Variants in CLHC1 observed in about 807,000 individuals in gnomAD.
CLHC1 encodes the protein clathrin heavy chain linker domain containing 1, also known as clathrin heavy chain linker domain-containing protein 1.
CLHC1 carries 72 observed loss-of-function variants against 69.5 expected under a neutral mutation model. The ratio of observed to expected loss-of-function variants is 1.04; its 90% CI spans 0.86 to 1.26. The LOEUF (loss-of-function observed/expected upper bound fraction) is 1.26. CLHC1 is among the 50% of genes most tolerant of loss of function. CLHC1 has a pLI of 0.00. For synonymous variants in CLHC1, 223 were observed against 224.3 expected (o/e 0.99, Z 0.05); for missense variants, 790 against 679.3 (o/e 1.16, Z -1.81).
rs764410981 is a variant in CLHC1 at position 55,222,782 on chromosome 2, G to A, written c.-82-289C>T. Among the ~76,000 whole-genome samples the A allele has an allele frequency of 4.2e-4, 64 of 152,076 alleles. 1 individual carries two copies. The highest frequency in any genetic ancestry group is 8.1e-4 in the Non-Finnish European group (55 of 68,010). On this transcript the variant is annotated intron_variant, in intron 2 of 12. Transcript: ENST00000401408. ...CTAAAAAAGACAAAATTAGCCAGGCGTGGTGGCGCATGCCTGTAATCCCAG... is the reference window on the plus strand; with the variant it reads ...CTAAAAAAGACAAAATTAGCCAGGCATGGTGGCGCATGCCTGTAATCCCAG...
Position 55,174,449 on chromosome 2 carries a change from T to C in CLHC1, c.*1341A>G, listed in dbSNP as rs1193995551. On this transcript the variant is annotated 3_prime_UTR_variant, in exon 13 of 13. Coordinates refer to ENST00000401408, the MANE Select transcript of CLHC1 (RefSeq NM_152385.4). ...GAGTAGACATATGGGATTTAGTAAGTACAAACTAAGTAGAGAAATGTGTGT... is the reference window on the plus strand; with the variant it reads ...GAGTAGACATATGGGATTTAGTAAGCACAAACTAAGTAGAGAAATGTGTGT... 6.6e-6 allele frequency among the ~76,000 whole-genome samples: 1 copy of C among 152,210 alleles called. No homozygotes were observed. Among genetic ancestry groups the C allele is most frequent in the Non-Finnish European group, 1.5e-5 (1 of 68,032 alleles).
intron 9 of CLHC1, among the ~76,000 whole-genome samples, chr2:55,203,963 GA>G (rs975918972): frequency 6.6e-6 from 1 of 152,080 alleles, no homozygotes; most frequent in African/African-American, 2.4e-5. Context: ...AACTCCATAG[GA>G]AAAAAATCTA....
intron 5 of CLHC1, among the ~76,000 whole-genome samples, chr2:55,211,253 G>A (rs1247964327): frequency 2.0e-5 from 3 of 152,062 alleles, no homozygotes; most frequent in Non-Finnish European, 4.4e-5. Flanking sequence ...TGTAATCCCA[G>A]CACTTTGGGA....
intron 9 of CLHC1, among the ~76,000 whole-genome samples, chr2:55,192,049 C>T (rs1222523541): frequency 1.3e-5 from 2 of 152,002 alleles, no homozygotes; most frequent in African/African-American, 2.4e-5. Context: ...AACATGTCAA[C>T]AACAACATTA....
intron 7 of CLHC1, 35 bp downstream of exon 7, chr2:55,209,369 T>G: frequency 7.5e-7 from 1 of 1,327,362 alleles, no homozygotes; most frequent in Non-Finnish European, 1.1e-6. Flanking sequence ...ATGTCTTCCA[T>G]TATTGGTACT....
intron 9 of CLHC1, among the ~76,000 whole-genome samples, chr2:55,191,330 G>T (rs895842626): frequency 1.3e-5 from 2 of 152,140 alleles, no homozygotes; most frequent in African/African-American, 4.8e-5. Flanking sequence ...CCACCTCCTG[G>T]ATTCTAGTGA....
At chr2:55,212,996 C>A (rs1322293406) in intron 4 of CLHC1, among the ~76,000 whole-genome samples, 190 bp from the exon 5 acceptor site, 1 of 152,150 alleles carries the variant, frequency 6.6e-6, no homozygotes, top group Non-Finnish European at 1.5e-5. Context: ...AAATCTCATA[C>A]TATGATTCTG....
chr2:55,198,162 G>C (rs1671600520), intron 9 of CLHC1, among the ~76,000 whole-genome samples: 2 of 152,060 alleles, frequency 1.3e-5, no homozygotes, highest in South Asian at 4.1e-4. Flanking sequence ...GGAAACAAAA[G>C]AAAAGAGAAT....
At chr2:55,201,817 C>T (rs192060648) in intron 9 of CLHC1, among the ~76,000 whole-genome samples, 7 of 152,090 alleles carry the variant, frequency 4.6e-5, no homozygotes, top group African/African-American at 7.2e-5. Context: ...TCATCATAAC[C>T]AAGTGGGATT....
intron 2 of CLHC1, chr2:55,225,909 A>C (rs558837386): frequency 6.6e-6 from 1 of 152,052 alleles, no homozygotes; most frequent in East Asian, 1.9e-4. Context: ...TTTTTACTGA[A>C]AGGCCGGGAG....
intron 3 of CLHC1, among the ~76,000 whole-genome samples, chr2:55,218,903 C>A (rs544818437): frequency 6.6e-6 from 1 of 152,142 alleles, no homozygotes; most frequent in Non-Finnish European, 1.5e-5. Flanking sequence ...CCTGCTACAT[C>A]TCTAGCCTCT....
At chr2:55,198,057 A>G (rs144176750) in intron 9 of CLHC1, among the ~76,000 whole-genome samples, 1 of 152,348 alleles carries the variant, frequency 6.6e-6, no homozygotes, top group African/African-American at 2.4e-5. Flanking sequence ...AATGCAATTG[A>G]CATGCTGAAG....
At chr2:55,212,354 G>T (rs1025444821) in intron 5 of CLHC1, among the ~76,000 whole-genome samples, 2 of 152,168 alleles carry the variant, frequency 1.3e-5, no homozygotes, top group African/African-American at 4.8e-5. Context: ...TTCTGACACA[G>T]TTAAGTCTCT....
rs57570449 is a variant in CLHC1 at position 55,199,296 on chromosome 2, CAAAAAAAAAAAA to C, written c.1006+6962_1006+6973del. 2.1e-4 allele frequency among the ~76,000 whole-genome samples: 15 copies of C among 70,940 alleles called. 1 individual carries two copies. The highest frequency in any genetic ancestry group is 0.011 in the Middle Eastern group (1 of 88). 46.5% of individuals were successfully genotyped at this position (70,940 alleles called of 152,430 possible). A position where few individuals can be genotyped will look rare whatever the true frequency, so the allele number is the denominator to read the frequency against. ...TGGACAAAAGAGTGAGACTCCATCTCAAAAAAAAAAAAAAAAAAAAAAAAAGAAATGCTGAGG... is the reference window on the plus strand; with the variant it reads ...TGGACAAAAGAGTGAGACTCCATCTCAAAAAAAAAAAAAGAAATGCTGAGG... On this transcript the variant is annotated intron_variant, in intron 9 of 12. Transcript: ENST00000401408.
rs948846601 is a variant in CLHC1, at chr2:55,222,496, G to A, written c.-82-3C>T. ...ACAAAGCCAAAACTTTGATAAGCCTGAAAGAAAAAAAGAGCATCAATTAAT... is the reference window on the plus strand; with the variant it reads ...ACAAAGCCAAAACTTTGATAAGCCTAAAAGAAAAAAAGAGCATCAATTAAT... On this transcript the variant is annotated splice_polypyrimidine_tract_variant and splice_region_variant and intron_variant, in intron 2 of 12. Coordinates refer to ENST00000401408, the MANE Select transcript of CLHC1 (RefSeq NM_152385.4). 6 of 976,828 alleles carry A rather than the reference G, an allele frequency of 6.1e-6. No individual in the cohort carries two copies. The highest frequency in any genetic ancestry group is 1.8e-5 in the South Asian group (1 of 55,064). The allele number at this position is 976,828 out of a possible 1,614,324, so 60.5% of individuals were successfully genotyped here.
At chr2:55,176,085 T>C in intron 12 of CLHC1, 99 bp from the exon 13 acceptor site, 3 of 981,414 alleles carry the variant, frequency 3.1e-6, no homozygotes, top group South Asian at 1.6e-5. Context: ...TTCAACTCAG[T>C]TACTGTTAAA....
chr2:55,214,898 A>G (rs1673351482), intron 4 of CLHC1: 1 of 152,238 alleles, frequency 6.6e-6, no homozygotes, highest in African/African-American at 2.4e-5. Context: ...CTAATACATT[A>G]CCACATGGAC....
Position 55,172,701 on chromosome 2 carries a change from T to TAA in CLHC1, c.*3087_*3088dup, listed in dbSNP as rs11347337. On this transcript the variant is annotated 3_prime_UTR_variant, in exon 13 of 13. Transcript: ENST00000401408. ...GAGCTTTCTATGAAATGTACAAAGT[T>TAA]AAAAAAAAAAAAAAAGGCCTCTGCT... is the stretch of plus-strand genomic sequence containing the variant. 1.4e-5 allele frequency among the ~76,000 whole-genome samples: 2 copies of TAA among 143,012 alleles called. No homozygotes were observed. Among genetic ancestry groups the TAA allele is most frequent in the Non-Finnish European group, 3.1e-5 (2 of 65,372 alleles). The allele number at this position is 143,012 out of a possible 152,430, so 93.8% of individuals were successfully genotyped here. A position where few individuals can be genotyped will look rare whatever the true frequency, so the allele number is the denominator to read the frequency against.
At chr2:55,213,418 G>A (rs1159334414) in intron 4 of CLHC1, among the ~76,000 whole-genome samples, 2 of 152,020 alleles carry the variant, frequency 1.3e-5, no homozygotes, top group Non-Finnish European at 2.9e-5. Flanking sequence ...TCATATTTAG[G>A]GCTTACTTTT....
Sources: gnomAD v4.1 joint callset for allele counts (sites outside exome capture counted in the v4.1 genomes callset) on GRCh38, gnomAD v4.1.1 for gene constraint, MANE v1.5 for transcripts, NCBI Gene and HGNC (gene_info 2026-07-23, HGNC 2026-07-21) for gene names.